The following FBXO6 variants were observed in gnomAD, a reference collection of about 807,000 sequenced individuals.
FBXO6 encodes F-box protein 6, also known as F-box only protein 6.
Under a neutral mutation model 25.0 loss-of-function variants are expected in FBXO6, and 13 were observed. The observed-to-expected ratio is 0.52, with a 90% CI of 0.34 to 0.83. FBXO6 has a LOEUF of 0.83. Ranked by LOEUF, FBXO6 falls within the 40% of genes least tolerant of loss-of-function variation. The probability of loss-of-function intolerance (pLI) is 0.02; values close to 1 mark genes in which losing one functional copy is unlikely to be tolerated. For synonymous variants in FBXO6, 138 were observed against 155.3 expected, an observed-to-expected ratio of 0.89 and a Z score of 0.83; for missense variants, 370 against 380.2, an observed-to-expected ratio of 0.97 and a Z score of 0.22.
chr1:11,670,638 A>AGG (rs35421888), intron 2 of FBXO6, among the ~76,000 whole-genome samples: 88 of 134,962 alleles, frequency 6.5e-4, no homozygotes, highest in African/African-American at 1.9e-3. Context: ...TAAAAAAAAA[A>AGG]GGGGGGGGGG....
Position 11,674,260 on chromosome 1 carries a change from C to A in FBXO6, c.*409C>A, listed in dbSNP as rs572437507. ...CAGAGCTTGCAGTGAGCCGAGATCA[C>A]GCCACTGCACTCCAGCCTGGGTGAC... On this transcript the variant is annotated 3_prime_UTR_variant, in exon 6 of 6. Transcript: ENST00000376753. This position sits in a 1 kb window ranked among gnomAD's most constrained non-coding sequence, Gnocchi z 6.1. 1 of 176,394 alleles carries A rather than the reference C, an allele frequency of 5.7e-6. No homozygotes were observed. Among genetic ancestry groups the A allele is most frequent in the South Asian group, 1.3e-4 (1 of 7,592 alleles). The allele number at this position is 176,394 out of a possible 1,614,324, so 10.9% of individuals were successfully genotyped here.
At chr1:11,667,160 G>T (rs901813485) in intron 1 of FBXO6, among the ~76,000 whole-genome samples, 19 of 142,726 alleles carry the variant, frequency 1.3e-4, no homozygotes, top group African/African-American at 4.8e-4. Flanking sequence ...TGGGGGGGAA[G>T]AAAAAAAAAA....
At position 11,673,821 on chromosome 1, in the gene FBXO6, G is replaced by C; in HGVS notation, c.852G>C (p.Ser284=). 1.2e-6 allele frequency: 2 copies of C among 1,614,074 alleles called. No individual in the cohort carries two copies. Among genetic ancestry groups the C allele is most frequent in the Non-Finnish European group, 1.7e-6 (2 of 1,180,018 alleles). Reference sequence around the variant, plus strand: ...ATGGACAGGAGGAGGCTGCCCAATCGCCCTACCGAGCTGTTGTCCAGATTT... The same window carrying C: ...ATGGACAGGAGGAGGCTGCCCAATCCCCCTACCGAGCTGTTGTCCAGATTT... The part of the protein sequence containing the change: ...QKHGQEEAAQ[S]PYRAVVQIF Residue 284 remains serine (S), a synonymous_variant, in exon 6 of 6, where the codon TCG becomes TCC. Coordinates refer to ENST00000376753, the MANE Select transcript of FBXO6 (RefSeq NM_018438.6). The surrounding 1 kb of genome is among the most constrained non-coding windows in gnomAD (Gnocchi z 4.3).
chr1:11,669,061 A>G, intron 2 of FBXO6, 117 bp downstream of exon 2: 4 of 1,310,468 alleles, frequency 3.1e-6, no homozygotes, highest in Non-Finnish European at 4.1e-6. Flanking sequence ...CACCCACCTC[A>G]CTTCCTTGGT....
At chr1:11,672,090 G>C in intron 4 of FBXO6, 67 bp downstream of exon 4, 3 of 1,409,824 alleles carry the variant, frequency 2.1e-6, no homozygotes. Context: ...GCATGTACGT[G>C]AGACAACCCA....
At chr1:11,665,317 C>T (rs1361962138) in intron 1 of FBXO6, among the ~76,000 whole-genome samples, 3 of 146,538 alleles carry the variant, frequency 2.0e-5, no homozygotes, top group South Asian at 2.2e-4. Context: ...CTCCGCCTCC[C>T]GGGTTCAGGC....
chr1:11,672,174 C>T, intron 4 of FBXO6, 151 bp downstream of exon 4: 2 of 639,868 alleles, frequency 3.1e-6, no homozygotes, highest in East Asian at 2.8e-5. Context: ...TCTGCACCCA[C>T]ACCCTGCGGC....
chr1:11,670,380 C>A (rs1287042197), intron 2 of FBXO6, among the ~76,000 whole-genome samples: 3 of 152,086 alleles, frequency 2.0e-5, no homozygotes, highest in Non-Finnish European at 2.9e-5. Flanking sequence ...CAGCGCCCAG[C>A]CCAAAGGGTA....
At chr1:11,671,414 A>G (rs771716412) in intron 3 of FBXO6, 22 bp downstream of exon 3, 2 of 1,609,768 alleles carry the variant, frequency 1.2e-6, no homozygotes, top group Admixed American at 3.3e-5. Context: ...TGAACCTACC[A>G]GGCTTGCGTG....
rs546149367 is a variant in FBXO6 at position 11,668,241 on chromosome 1, AT to A, written c.-3-407del. ...AACCCACTGGCTTTAAAATTAAGCA[AT>A]TTTTTTTAAATTGGGGAGGGGCCTT... On this transcript the variant is annotated intron_variant, in intron 1 of 5. Coordinates refer to ENST00000376753, the MANE Select transcript of FBXO6 (RefSeq NM_018438.6). 1.6e-3 allele frequency among the ~76,000 whole-genome samples: 245 copies of A among 152,162 alleles called. 2 individuals carry two copies. The highest frequency in any genetic ancestry group is 5.3e-3 in the African/African-American group (221 of 41,532).
At position 11,671,389 on chromosome 1, in the gene FBXO6, A is replaced by C; in HGVS notation, c.410A>C (p.Tyr137Ser). 6.2e-7 allele frequency: 1 copy of C among 1,613,782 alleles called. No individual in the cohort carries two copies. The highest frequency in any genetic ancestry group is 8.5e-7 in the Non-Finnish European group (1 of 1,179,696). The stretch of plus-strand genomic sequence containing the variant: ...GTCAAGAAGTATTTTGTCACATCCT[A>C]CGAGTAAGGCAAACTGAACCTACCA... ...PKVKKYFVTS[Y>S]EMCLKSQLVD... The change falls in exon 3 of 6, where the codon TAC (tyrosine) becomes TCC (serine). Residue 137 changes from tyrosine (Y) to serine (S), a missense_variant. Physicochemically the swap from Tyr to Ser is moderately radical, Grantham distance 144. Transcript: ENST00000376753.
chr1:11,669,467 A>C (rs9430204), intron 2 of FBXO6, among the ~76,000 whole-genome samples: 21,103 of 141,252 alleles, frequency 0.15, 2,454 homozygotes, highest in African/African-American at 0.35. Context: ...TTTTAGTCTC[A>C]AAAAAAAAAA....
chr1:11,669,737 T>TACACACACAC lies in FBXO6; in HGVS notation c.286+809_286+818dup, dbSNP rs113558790. Among the ~76,000 whole-genome samples the TACACACACAC allele has an allele frequency of 2.9e-5, 4 of 139,008 alleles. No homozygotes were observed. The East Asian group carries it at 6.8e-4, about 23-fold the overall frequency. 91.2% of individuals were successfully genotyped at this position (139,008 alleles called of 152,430 possible). A position where few individuals can be genotyped will look rare whatever the true frequency, so the allele number is the denominator to read the frequency against. On this transcript the variant is annotated intron_variant, in intron 2 of 5. Coordinates refer to ENST00000376753, the MANE Select transcript of FBXO6 (RefSeq NM_018438.6). Reference sequence around the variant, plus strand: ...ATGTGTATACATATATACATATACATACACACACACACACACACACACACA... The same window carrying TACACACACAC: ...ATGTGTATACATATATACATATACATACACACACACACACACACACACACACACACACACA...
intron 2 of FBXO6, among the ~76,000 whole-genome samples, 193 bp downstream of exon 2, chr1:11,669,137 C>T (rs1640533362): frequency 6.6e-6 from 1 of 152,244 alleles, no homozygotes; most frequent in African/African-American, 2.4e-5. Context: ...AAACAGCCCT[C>T]TCCACCTCTA....
chr1:11,665,553 C>CCTTTTTT, intron 1 of FBXO6, among the ~76,000 whole-genome samples: 3 of 52,758 alleles, frequency 5.7e-5, no homozygotes, highest in African/African-American at 2.4e-4. Context: ...CCGCGCCCGG[C>CCTTTTTT]CTTTTTTTTT....
rs1003537915 is a variant in FBXO6 at position 11,671,514 on chromosome 1, C to T, written c.413+122C>T. 4.3e-6 allele frequency: 6 copies of T among 1,410,280 alleles called. No individual in the cohort carries two copies. The African/African-American group carries it at 7.1e-5, about 17-fold the overall frequency. The allele number at this position is 1,410,280 out of a possible 1,614,324, so 87.4% of individuals were successfully genotyped here. On this transcript the variant is annotated intron_variant, in intron 3 of 5. Coordinates refer to ENST00000376753, the MANE Select transcript of FBXO6 (RefSeq NM_018438.6). ...CTCTGCGAAGCTCGAGGGAGGTGGC[C>T]CCAAAACTTGCCCAGAGTCACTGCT...
chr1:11,670,687 G>A (rs1640592530), intron 2 of FBXO6, among the ~76,000 whole-genome samples: 1 of 151,674 alleles, frequency 6.6e-6, no homozygotes, highest in Non-Finnish European at 1.5e-5. Flanking sequence ...GAACTCCTGG[G>A]TTCAAGCAAT....
chr1:11,673,689 G>T lies in FBXO6; in HGVS notation c.720G>T (p.Gln240His). The T allele has an allele frequency of 1.2e-6, 2 of 1,614,128 alleles. No homozygotes were observed. The highest frequency in any genetic ancestry group is 8.5e-7 in the Non-Finnish European group (1 of 1,180,038). The change falls in exon 6 of 6, where the codon CAG becomes CAT. Residue 240 changes from glutamine (Q) to histidine (H), a missense_variant. Gln to His is a conservative substitution (Grantham distance 24). Transcript: ENST00000376753. The surrounding 1 kb of genome is among the most constrained non-coding windows in gnomAD (Gnocchi z 4.3). Reference protein sequence around the residue: ...ILFQHGGRDTQYWAGWYGPRV... With the variant: ...ILFQHGGRDTHYWAGWYGPRV... ...TCCAGCATGGGGGCAGGGACACCCA[G>T]TACTGGGCAGGCTGGTATGGGCCCC...
At chr1:11,670,809 G>A (rs1273306419) in intron 2 of FBXO6, among the ~76,000 whole-genome samples, 4 of 152,148 alleles carry the variant, frequency 2.6e-5, no homozygotes, top group African/African-American at 9.7e-5. Flanking sequence ...AATTTTTTGA[G>A]AACTGATACT....
Sources: allele counts gnomAD v4.1 joint callset (sites outside exome capture counted in the v4.1 genomes callset), GRCh38; gene constraint gnomAD v4.1.1; non-coding constraint Gnocchi (gnomAD v3.1); transcripts MANE v1.5; gene names NCBI Gene and HGNC (gene_info 2026-07-23, HGNC 2026-07-21).